The following ABI3BP variants were observed in gnomAD, a reference collection of about 807,000 sequenced individuals.
ABI3BP encodes ABI family member 3 binding protein.
ABI3BP carries 216 observed loss-of-function variants against 268.6 expected under a neutral mutation model. The ratio of observed to expected loss-of-function variants is 0.80; its 90% CI spans 0.72 to 0.90. ABI3BP has a LOEUF of 0.90. Among genes scored for constraint, ABI3BP ranks in the 40% least tolerant of loss-of-function variants. The pLI is 0.00. For synonymous variants in ABI3BP, 730 were observed against 730.0 expected (o/e 1.00, Z 0.00); for missense variants, 2,090 against 2,182.4 (o/e 0.96, Z 0.84).
chr3:100,772,931 T>C (rs1433406947), intron 61 of ABI3BP, among the ~76,000 whole-genome samples: 3 of 151,208 alleles, frequency 2.0e-5, no homozygotes, highest in Non-Finnish European at 4.4e-5. Flanking sequence ...ATACAAAAAC[T>C]ATGGGGATGG....
Position 100,850,656 on chromosome 3 carries a change from T to C in ABI3BP, c.1426+4A>G. 1 of 1,603,404 alleles carries C rather than the reference T, an allele frequency of 6.2e-7. No individual in the cohort carries two copies. The highest frequency in any genetic ancestry group is 8.5e-7 in the Non-Finnish European group (1 of 1,171,838). On this transcript the variant is annotated splice_donor_region_variant and intron_variant, in intron 16 of 67. Coordinates refer to ENST00000471714, the MANE Select transcript of ABI3BP (RefSeq NM_001375547.2). ...AAGTATGATTTTTCTGTTAAAAACA[T>C]TACCCAGTGTTGCCCTTGGCTGTTC...
intron 20 of ABI3BP, among the ~76,000 whole-genome samples, chr3:100,845,120 C>G (rs1329939267): frequency 6.6e-6 from 1 of 152,124 alleles, no homozygotes; most frequent in Non-Finnish European, 1.5e-5. Flanking sequence ...GTGACTCAAG[C>G]TTGGTAATAG....
chr3:100,873,797 G>A (rs374784843), intron 9 of ABI3BP, among the ~76,000 whole-genome samples: 1 of 152,168 alleles, frequency 6.6e-6, no homozygotes, highest in African/African-American at 2.4e-5. Context: ...CCATGCCTGG[G>A]TAACTCACCA....
intron 62 of ABI3BP, among the ~76,000 whole-genome samples, chr3:100,769,779 G>A (rs557558274): frequency 1.3e-4 from 20 of 152,326 alleles, no homozygotes; most frequent in African/African-American, 3.8e-4. Context: ...ACCATGGGTA[G>A]CAGTGGGTTC....
chr3:100,908,711 G>T (rs1392141809), intron 2 of ABI3BP, among the ~76,000 whole-genome samples: 1 of 152,112 alleles, frequency 6.6e-6, no homozygotes, highest in Non-Finnish European at 1.5e-5. Context: ...GGATGTGAAG[G>T]ACCTCTTCAA....
At chr3:100,976,333 T>G (rs776678091) in intron 1 of ABI3BP, among the ~76,000 whole-genome samples, 6 of 152,176 alleles carry the variant, frequency 3.9e-5, no homozygotes, top group South Asian at 2.1e-4. Flanking sequence ...GATAAAACAC[T>G]TCTGGAAATG....
chr3:100,848,615 C>T (rs536516248), intron 18 of ABI3BP, among the ~76,000 whole-genome samples, 186 bp downstream of exon 18: 23 of 152,092 alleles, frequency 1.5e-4, no homozygotes, highest in Middle Eastern at 3.4e-3. Context: ...TTTGCAGAGA[C>T]GGGGTCTCAC....
intron 24 of ABI3BP, among the ~76,000 whole-genome samples, chr3:100,839,362 A>T (rs1251705864): frequency 2.0e-5 from 3 of 152,154 alleles, no homozygotes; most frequent in Non-Finnish European, 4.4e-5. Context: ...TGTGTCCAAG[A>T]CCACAGACCT....
intron 9 of ABI3BP, among the ~76,000 whole-genome samples, chr3:100,871,440 G>A (rs769746628): frequency 6.6e-6 from 1 of 152,168 alleles, no homozygotes; most frequent in South Asian, 2.1e-4. Flanking sequence ...TGTGTGATAT[G>A]GTTTGGCTGT....
Position 100,750,619 on chromosome 3 carries a change from G to GA in ABI3BP, c.5246-10dup, listed in dbSNP as rs1559764271. 1 of 1,595,946 alleles carries GA rather than the reference G, an allele frequency of 6.3e-7. No homozygotes were observed. Among genetic ancestry groups the GA allele is most frequent in the Admixed American group, 1.7e-5 (1 of 59,544 alleles). The stretch of plus-strand genomic sequence containing the variant: ...AACTGCTCTGAAATAACCTGAGAGA[G>GA]AAAATAGTTTCATTTTAATAGCTGC... On this transcript the variant is annotated splice_polypyrimidine_tract_variant and intron_variant, in intron 67 of 67. Coordinates refer to ENST00000471714, the MANE Select transcript of ABI3BP (RefSeq NM_001375547.2).
chr3:100,851,643 A>G (rs1319261587), intron 15 of ABI3BP, among the ~76,000 whole-genome samples: 3 of 152,228 alleles, frequency 2.0e-5, no homozygotes, highest in African/African-American at 7.2e-5. Context: ...CTCAGTGGCA[A>G]CCAAATCTAT....
In ABI3BP at chr3:100,821,119, CA is replaced by C. The variant is rs778875833; in HGVS notation, c.2888-7del. ...TTTGAGCTCCGCAGTAGGAACTGATCAAAAGCATTAAAATTAACCAAATGAT... is the reference window on the plus strand; with the variant it reads ...TTTGAGCTCCGCAGTAGGAACTGATCAAAGCATTAAAATTAACCAAATGAT... On this transcript the variant is annotated splice_polypyrimidine_tract_variant and splice_region_variant and intron_variant, in intron 38 of 67. Transcript: ENST00000471714. 2 of 1,534,976 alleles carry C rather than the reference CA, an allele frequency of 1.3e-6. No homozygotes were observed. The highest frequency in any genetic ancestry group is 2.4e-5 in the South Asian group (2 of 83,944).
intron 67 of ABI3BP, 127 bp from the exon 68 acceptor site, chr3:100,750,737 C>G: frequency 1.6e-6 from 1 of 644,076 alleles, no homozygotes. Flanking sequence ...ATTTAGAAAA[C>G]TGAGAGCAAG....
chr3:100,790,333 C>A (rs1181787017), intron 55 of ABI3BP, among the ~76,000 whole-genome samples: 1 of 152,036 alleles, frequency 6.6e-6, no homozygotes. Context: ...CCTGTCCCCA[C>A]TTCCCTATCA....
At chr3:100,800,966 G>T (rs892257455) in intron 51 of ABI3BP, among the ~76,000 whole-genome samples, 1 of 151,936 alleles carries the variant, frequency 6.6e-6, no homozygotes, top group Non-Finnish European at 1.5e-5. Context: ...ACTGAGATTT[G>T]CCTTGTTTTA....
intron 19 of ABI3BP, chr3:100,846,665 T>C: frequency 2.6e-6 from 1 of 384,104 alleles, no homozygotes; most frequent in Non-Finnish European, 4.7e-6. Context: ...TTCAAGAGTA[T>C]ATTTAATCAA....
At chr3:100,867,028 A>C (rs949198559) in intron 9 of ABI3BP, 72 bp from the exon 10 acceptor site, 1 of 1,140,950 alleles carries the variant, frequency 8.8e-7, no homozygotes, top group Admixed American at 1.9e-5. Flanking sequence ...TGCATAATCA[A>C]GTAGCAGACT....
rs1053307112 is a variant in ABI3BP, at chr3:100,850,103, T to A, written c.1443A>T (p.Pro481=). ...AGATTTCCAGTTTTTGAGGAACAAA[T>A]GGTGTTTCACTTGGAGCTGAAAGCA... is the stretch of plus-strand genomic sequence containing the variant. ...PRATLAPSET[P]FVPQKLEIFT... The change falls in exon 17 of 68, where the codon CCA becomes CCT. Residue 481 remains proline (P), a synonymous_variant. Coordinates refer to ENST00000471714, the MANE Select transcript of ABI3BP (RefSeq NM_001375547.2). The A allele has an allele frequency of 1.9e-6, 3 of 1,609,668 alleles. No homozygotes were observed. In the South Asian group the frequency reaches 3.3e-5, roughly 18 times the overall value.
chr3:100,785,131 T>G lies in ABI3BP; in HGVS notation c.4162+2597A>C, dbSNP rs563790052. On this transcript the variant is annotated intron_variant, in intron 57 of 67. Transcript: ENST00000471714. ...ACACTTCCTTTATTAACTAATTTTT[T>G]AAAATGTGAAATATCTGAGTTGAAA... Among the ~76,000 whole-genome samples, 24 of 152,320 alleles carry G rather than the reference T, an allele frequency of 1.6e-4. No homozygotes were observed. In the East Asian group the frequency reaches 4.6e-3, roughly 29 times the overall value.
Sources: allele counts gnomAD v4.1 joint callset (sites outside exome capture counted in the v4.1 genomes callset), GRCh38; gene constraint gnomAD v4.1.1; transcripts MANE v1.5; gene names NCBI Gene and HGNC (gene_info 2026-07-23, HGNC 2026-07-21).